FRMPD4: variants seen among roughly 807,000 people sequenced by gnomAD.
The protein encoded by FRMPD4 is FERM and PDZ domain-containing protein 4.
Under a neutral mutation model 94.1 loss-of-function variants are expected in FRMPD4, and 22 were observed. The observed-to-expected ratio is 0.23, with a 90% CI of 0.17 to 0.33. The LOEUF (loss-of-function observed/expected upper bound fraction) is 0.33. FRMPD4 is among the 10% of genes least tolerant of loss of function. The probability of loss-of-function intolerance (pLI) is 1.00; values close to 1 mark genes in which losing one functional copy is unlikely to be tolerated. For missense variants in FRMPD4, 1,111 were observed against 1,339.9 expected (o/e 0.83, Z 2.67); for synonymous variants, 631 against 548.6 (o/e 1.15, Z -2.10).
chrX:12,302,910 A>ACAGC (rs2054882315), intron 1 of FRMPD4, among the ~76,000 whole-genome samples: 1 of 112,174 alleles, frequency 8.9e-6, no homozygotes, highest in Admixed American at 9.5e-5. Flanking sequence ...ATTATCACAT[A>ACAGC]CAGCCATTGG....
At chrX:12,205,183 T>G (rs2056678137) in intron 1 of FRMPD4, among the ~76,000 whole-genome samples, 1 of 109,840 alleles carries the variant, frequency 9.1e-6, no homozygotes, top group African/African-American at 3.3e-5. Flanking sequence ...CTGTTCCCAG[T>G]GCACCTAGGC....
intron 1 of FRMPD4, among the ~76,000 whole-genome samples, chrX:12,447,728 T>A (rs1296337354): frequency 8.9e-6 from 1 of 112,084 alleles, no homozygotes; most frequent in Admixed American, 9.4e-5. Context: ...AATTGAAGTC[T>A]GTACAGATTC....
intron 3 of FRMPD4, among the ~76,000 whole-genome samples, chrX:12,025,672 A>G (rs1047591805): frequency 4.4e-4 from 49 of 112,119 alleles, no homozygotes; most frequent in African/African-American, 1.6e-3. Context: ...TGAGGAACCC[A>G]TTTGTCATGT....
At position 12,200,539 on chromosome X, in the gene FRMPD4, G is replaced by T. The variant is rs1411253831; in HGVS notation, c.41+61527G>T. On this transcript the variant is annotated intron_variant, in intron 1 of 16. Transcript: ENST00000675598. ...TGCAGAGGTGGGGTCTCACCATATTGCCCAGGCTGGTCTCCAACCCCTGGG... is the reference window on the plus strand; with the variant it reads ...TGCAGAGGTGGGGTCTCACCATATTTCCCAGGCTGGTCTCCAACCCCTGGG... 3.6e-5 allele frequency among the ~76,000 whole-genome samples: 4 copies of T among 110,409 alleles called. No homozygotes were observed. In the Admixed American group the frequency reaches 3.9e-4, roughly 11 times the overall value.
At chrX:12,482,353 G>A (rs1444788836) in intron 1 of FRMPD4, among the ~76,000 whole-genome samples, 2 of 112,564 alleles carry the variant, frequency 1.8e-5, no homozygotes, top group Non-Finnish European at 3.8e-5. Flanking sequence ...GGTAGAGACA[G>A]CCCAGTTTAA....
At chrX:12,025,925 G>A (rs1054329752) in intron 3 of FRMPD4, among the ~76,000 whole-genome samples, 1 of 111,885 alleles carries the variant, frequency 8.9e-6, no homozygotes, top group African/African-American at 3.2e-5. Context: ...CTGACCCACG[G>A]AAATAATGAC....
intron 4 of FRMPD4, among the ~76,000 whole-genome samples, chrX:12,667,684 C>T (rs375446586): frequency 2.2e-4 from 25 of 111,902 alleles, no homozygotes; most frequent in Middle Eastern, 4.6e-3. Context: ...CAAATGACAT[C>T]CAATGAAATC....
rs141708051 is a variant in FRMPD4, at chrX:12,086,869, A to G, written c.95+208851A>G. ...GCTGTGTTCCTTTCCTGGGGCCATC[A>G]CCCAAGTTCACCTGGTTGTAGGCAG... On this transcript the variant is annotated intron_variant, in intron 3 of 18. Coordinates refer to the FRMPD4 transcript ENST00000640291. Among the ~76,000 whole-genome samples the G allele has an allele frequency of 7.3e-4, 81 of 111,503 alleles. 2 individuals are homozygous for G. In the East Asian group the frequency reaches 0.022, roughly 30 times the overall value.
chrX:12,049,962 G>A (rs1432571773), intron 3 of FRMPD4, among the ~76,000 whole-genome samples: 1 of 112,082 alleles, frequency 8.9e-6, no homozygotes, highest in Admixed American at 9.5e-5. Context: ...GCTCTACAAT[G>A]TGTTTCTGTG....
intron 2 of FRMPD4, among the ~76,000 whole-genome samples, chrX:12,569,253 C>A (rs1345798969): frequency 9.0e-6 from 1 of 111,729 alleles, no homozygotes; most frequent in African/African-American, 3.3e-5. Flanking sequence ...AAGACAACAT[C>A]TAATTTTCAA....
intron 1 of FRMPD4, among the ~76,000 whole-genome samples, chrX:12,252,586 A>C (rs1182567427): frequency 8.9e-6 from 1 of 112,359 alleles, no homozygotes; most frequent in East Asian, 2.8e-4. Flanking sequence ...ATGTTCTCAC[A>C]AGCTCTTGAA....
At chrX:12,145,519 A>G (rs1411523560) in intron 1 of FRMPD4, among the ~76,000 whole-genome samples, 7 of 112,967 alleles carry the variant, frequency 6.2e-5, no homozygotes, top group Non-Finnish European at 1.3e-4. Flanking sequence ...GCTCAGGGCG[A>G]TGTCCTGCTT....
chrX:12,069,095 T>A (rs1035678766), intron 3 of FRMPD4, among the ~76,000 whole-genome samples: 1 of 111,669 alleles, frequency 9.0e-6, no homozygotes, highest in African/African-American at 3.3e-5. Context: ...TAGCGTAACA[T>A]TTGAGTGGAA....
At chrX:12,541,824 T>C (rs962394236) in intron 2 of FRMPD4, among the ~76,000 whole-genome samples, 4 of 111,424 alleles carry the variant, frequency 3.6e-5, no homozygotes, top group African/African-American at 6.5e-5. Flanking sequence ...TGATGAACAT[T>C]GATGCAAAAA....
intron 1 of FRMPD4, among the ~76,000 whole-genome samples, chrX:12,447,721 T>C (rs1040448470): frequency 8.9e-6 from 1 of 111,981 alleles, no homozygotes; most frequent in African/African-American, 3.3e-5. Flanking sequence ...ATATATAAAT[T>C]GAAGTCTGTA....
chrX:12,357,639 T>C (rs1169424735), intron 1 of FRMPD4, among the ~76,000 whole-genome samples: 1 of 112,064 alleles, frequency 8.9e-6, no homozygotes, highest in African/African-American at 3.2e-5. Flanking sequence ...TCTCTTTCTC[T>C]GAATTGGGAG....
chrX:12,196,636 T>A (rs1365658756), intron 1 of FRMPD4, among the ~76,000 whole-genome samples: 2 of 107,922 alleles, frequency 1.9e-5, no homozygotes, highest in Non-Finnish European at 3.8e-5. Flanking sequence ...AGTTTATATA[T>A]ATATAAAAAA....
intron 1 of FRMPD4, among the ~76,000 whole-genome samples, chrX:12,204,017 TA>T (rs1470092185): frequency 3.6e-5 from 4 of 112,629 alleles, no homozygotes; most frequent in Non-Finnish European, 7.5e-5. Flanking sequence ...TACAAAAACA[TA>T]AATGAGAGAT....
chrX:12,352,473 T>C (rs774612885), intron 1 of FRMPD4, among the ~76,000 whole-genome samples: 55 of 112,467 alleles, frequency 4.9e-4, no homozygotes, highest in Admixed American at 3.2e-3. Flanking sequence ...AGAATGCTTT[T>C]AGGAACTCTA....
Sources: allele counts gnomAD v4.1 joint callset (sites outside exome capture counted in the v4.1 genomes callset), GRCh38; gene constraint gnomAD v4.1.1; transcripts MANE v1.5; gene names NCBI Gene and HGNC (gene_info 2026-07-23, HGNC 2026-07-21).